The following FSHB variants were observed in gnomAD, a reference collection of about 807,000 sequenced individuals.
The protein encoded by FSHB is follicle stimulating hormone subunit beta, also known as follitropin subunit beta.
In FSHB, 8 loss-of-function variants were observed where a neutral mutation model predicts 12.1. That is an observed-to-expected ratio of 0.66 (90% CI 0.39 to 1.19). The LOEUF is 1.19. FSHB is among the 50% of genes most tolerant of loss of function. The pLI, the probability that FSHB is intolerant of heterozygous loss-of-function variation, is 0.01. For missense variants in FSHB, 153 were observed against 157.2 expected, an observed-to-expected ratio of 0.97 and a Z score of 0.14; for synonymous variants, 55 against 54.6, an observed-to-expected ratio of 1.01 and a Z score of -0.04.
At chr11:30,233,484 C>G in intron 2 of FSHB, 86 bp from the exon 3 acceptor site, 1 of 971,388 alleles carries the variant, frequency 1.0e-6, no homozygotes, top group Middle Eastern at 2.2e-4. Flanking sequence ...TTAGAGCAAG[C>G]AGTATTCAAT....
chr11:30,233,610 A>G lies in FSHB; in HGVS notation c.200A>G (p.Lys67Arg). ...YKDPARPKIQ[K>R]TCTFKELVYE... ...GACCCAGCCAGGCCCAAAATCCAGA[A>G]AACATGTACCTTCAAGGAACTGGTA... The change falls in exon 3 of 3, where the codon AAA becomes AGA. Residue 67 changes from lysine (K) to arginine (R), a missense_variant. Coordinates refer to ENST00000533718, the MANE Select transcript of FSHB (RefSeq NM_001382289.1). The G allele has an allele frequency of 6.2e-7, 1 of 1,614,034 alleles. No individual in the cohort carries two copies. Among genetic ancestry groups the G allele is most frequent in the Non-Finnish European group, 8.5e-7 (1 of 1,179,928 alleles).
At position 30,231,837 on chromosome 11, in the gene FSHB, A is replaced by AT. The variant is rs534166821; in HGVS notation, c.-37-28dup. The AT allele has an allele frequency of 1.1e-4, 168 of 1,580,812 alleles. No individual in the cohort carries two copies. In the South Asian group the frequency reaches 1.7e-3, roughly 16 times the overall value. Reference sequence around the variant, plus strand: ...ATTATTTTTGGTTTGGTCAGCTTACATAATGATTATCGTTCTTTGGTTTCT... The same window carrying AT: ...ATTATTTTTGGTTTGGTCAGCTTACATTAATGATTATCGTTCTTTGGTTTCT... On this transcript the variant is annotated intron_variant, in intron 1 of 2. Transcript: ENST00000533718.
chr11:30,233,902 C>A lies in FSHB; in HGVS notation c.*102C>A. On this transcript the variant is annotated 3_prime_UTR_variant, in exon 3 of 3. Transcript: ENST00000533718. ...GTGCCCAGGGGACAAACCACTGGAT[C>A]AGGGGATTCAGACTCTACTGATCCC... The A allele has an allele frequency of 1.1e-6, 1 of 924,076 alleles. No individual in the cohort carries two copies. Among genetic ancestry groups the A allele is most frequent in the Non-Finnish European group, 1.7e-6 (1 of 585,564 alleles). 57.2% of individuals were successfully genotyped at this position (924,076 alleles called of 1,614,324 possible). A position where few individuals can be genotyped will look rare whatever the true frequency, so the allele number is the denominator to read the frequency against.
chr11:30,233,897 T>C lies in FSHB; in HGVS notation c.*97T>C. The C allele has an allele frequency of 8.2e-6, 8 of 973,438 alleles. No individual in the cohort carries two copies. The highest frequency in any genetic ancestry group is 1.3e-5 in the Non-Finnish European group (8 of 628,096). 60.3% of individuals were successfully genotyped at this position (973,438 alleles called of 1,614,324 possible). A position where few individuals can be genotyped will look rare whatever the true frequency, so the allele number is the denominator to read the frequency against. ...GCAATGTGCCCAGGGGACAAACCAC[T>C]GGATCAGGGGATTCAGACTCTACTG... On this transcript the variant is annotated 3_prime_UTR_variant, in exon 3 of 3. Coordinates refer to ENST00000533718, the MANE Select transcript of FSHB (RefSeq NM_001382289.1).
rs540157925 is a variant in FSHB, at chr11:30,231,929, T to C, written c.27T>C (p.Leu9=). ...TGAAGACACTCCAGTTTTTCTTCCT[T>C]TTCTGTTGCTGGAAAGCAATCTGCT... MKTLQFFF[L]FCCWKAICCN... is the part of the protein sequence containing the mutation. Residue 9 remains leucine (L), a synonymous_variant, in exon 2 of 3, where the codon CTT becomes CTC. Coordinates refer to ENST00000533718, the MANE Select transcript of FSHB (RefSeq NM_001382289.1). 6.2e-7 allele frequency: 1 copy of C among 1,613,948 alleles called. No homozygotes were observed.
chr11:30,231,934 G>A lies in FSHB; in HGVS notation c.32G>A (p.Cys11Tyr). MKTLQFFFLF[C>Y]CWKAICCNSC... ...ACACTCCAGTTTTTCTTCCTTTTCT[G>A]TTGCTGGAAAGCAATCTGCTGCAAT... is the stretch of plus-strand genomic sequence containing the variant. Residue 11 changes from cysteine to tyrosine, a missense_variant, in exon 2 of 3, where the codon TGT becomes TAT. Coordinates refer to ENST00000533718, the MANE Select transcript of FSHB (RefSeq NM_001382289.1). The A allele has an allele frequency of 6.2e-7, 1 of 1,613,852 alleles. No individual in the cohort carries two copies. The highest frequency in any genetic ancestry group is 8.5e-7 in the Non-Finnish European group (1 of 1,179,848).
Position 30,233,750 on chromosome 11 carries a change from G to T in FSHB, c.340G>T (p.Val114Leu), listed in dbSNP as rs1432397142. The T allele has an allele frequency of 6.2e-7, 1 of 1,614,070 alleles. No homozygotes were observed. Among genetic ancestry groups the T allele is most frequent in the Non-Finnish European group, 8.5e-7 (1 of 1,179,952 alleles). The change falls in exon 3 of 3, where the codon GTG becomes TTG. Residue 114 changes from valine (V) to leucine (L), a missense_variant. Transcript: ENST00000533718. ...KCDSDSTDCT[V>L]RGLGPSYCSF... Reference sequence around the variant, plus strand: ...TGACAGCGACAGCACTGATTGTACTGTGCGAGGCCTGGGGCCCAGCTACTG... The same window carrying T: ...TGACAGCGACAGCACTGATTGTACTTTGCGAGGCCTGGGGCCCAGCTACTG...
rs917818592 is a variant in FSHB, at chr11:30,235,038, G to C, written c.*1238G>C. 2 of 152,106 alleles carry C rather than the reference G, an allele frequency of 1.3e-5. No homozygotes were observed. Among genetic ancestry groups the C allele is most frequent in the Non-Finnish European group, 2.9e-5 (2 of 68,028 alleles). 9.4% of individuals were successfully genotyped at this position (152,106 alleles called of 1,614,324 possible). A position where few individuals can be genotyped will look rare whatever the true frequency, so the allele number is the denominator to read the frequency against. Reference sequence around the variant, plus strand: ...TTTTTAATAAAGATGCTAGCCACCAGAGTCACAGGCTTGGATTGTTTTATG... The same window carrying C: ...TTTTTAATAAAGATGCTAGCCACCACAGTCACAGGCTTGGATTGTTTTATG... On this transcript the variant is annotated 3_prime_UTR_variant, in exon 3 of 3. Transcript: ENST00000533718.
At position 30,234,529 on chromosome 11, in the gene FSHB, A is replaced by T. The variant is rs193044329; in HGVS notation, c.*729A>T. On this transcript the variant is annotated 3_prime_UTR_variant, in exon 3 of 3. Coordinates refer to ENST00000533718, the MANE Select transcript of FSHB (RefSeq NM_001382289.1). ...CCTGTTAGTTAAGGGCAAAGGCAAG[A>T]AATTGTAATTTGGGGCTGTGGAAAT... 6 of 152,486 alleles carry T rather than the reference A, an allele frequency of 3.9e-5. No individual in the cohort carries two copies. The highest frequency in any genetic ancestry group is 3.9e-4 in the Admixed American group (6 of 15,310). 9.4% of individuals were successfully genotyped at this position (152,486 alleles called of 1,614,324 possible).
At chr11:30,233,469 A>G in intron 2 of FSHB, 101 bp from the exon 3 acceptor site, 1 of 880,584 alleles carries the variant, frequency 1.1e-6, no homozygotes, top group South Asian at 1.4e-5. Context: ...TTTAATGGGT[A>G]AATGTTAGAG....
Position 30,233,677 on chromosome 11 carries a change from T to A in FSHB, c.267T>A (p.Asp89Glu). 3 of 1,614,014 alleles carry A rather than the reference T, an allele frequency of 1.9e-6. 1 individual carries two copies. In the South Asian group the frequency reaches 3.3e-5, roughly 18 times the overall value. ...TGCCCGGCTGTGCTCACCATGCAGA[T>A]TCCTTGTATACATACCCAGTGGCCA... ...VRVPGCAHHA[D>E]SLYTYPVATQ... Residue 89 changes from aspartate to glutamate, a missense_variant, in exon 3 of 3, where the codon GAT becomes GAA. Asp to Glu is a conservative substitution (Grantham distance 45). Coordinates refer to ENST00000533718, the MANE Select transcript of FSHB (RefSeq NM_001382289.1).
rs1285838746 is a variant in FSHB at position 30,233,555 on chromosome 11, T to TC, written c.160-14dup. ...CCACAATACCATAACCTAACTCTCTTCTTAAACTCCTCAGGATCTGGTGTA... is the reference window on the plus strand; with the variant it reads ...CCACAATACCATAACCTAACTCTCTTCCTTAAACTCCTCAGGATCTGGTGTA... On this transcript the variant is annotated splice_polypyrimidine_tract_variant and intron_variant, in intron 2 of 2. Transcript: ENST00000533718. 1 of 1,601,094 alleles carries TC rather than the reference T, an allele frequency of 6.2e-7. No homozygotes were observed. Among genetic ancestry groups the TC allele is most frequent in the East Asian group, 2.2e-5 (1 of 44,756 alleles).
chr11:30,232,090 G>T, intron 2 of FSHB, 29 bp downstream of exon 2: 1 of 1,611,364 alleles, frequency 6.2e-7, no homozygotes, highest in Non-Finnish European at 8.5e-7. Flanking sequence ...TGGAAGCAAG[G>T]GTGTTGAAGG....
chr11:30,233,630 C>A lies in FSHB; in HGVS notation c.220C>A (p.Leu74Met). The A allele has an allele frequency of 1.2e-6, 2 of 1,614,020 alleles. No individual in the cohort carries two copies. Among genetic ancestry groups the A allele is most frequent in the East Asian group, 2.2e-5 (1 of 44,842 alleles). Reference sequence around the variant, plus strand: ...CCAGAAAACATGTACCTTCAAGGAACTGGTATACGAAACAGTGAGAGTGCC... The same window carrying A: ...CCAGAAAACATGTACCTTCAAGGAAATGGTATACGAAACAGTGAGAGTGCC... ...KIQKTCTFKE[L>M]VYETVRVPGC... The change falls in exon 3 of 3, where the codon CTG (leucine) becomes ATG (methionine). Residue 74 changes from leucine to methionine, a missense_variant. By Grantham distance (15) the Leu-to-Met change is conservative (BLOSUM62 2). Coordinates refer to ENST00000533718, the MANE Select transcript of FSHB (RefSeq NM_001382289.1).
Position 30,233,910 on chromosome 11 carries a change from T to C in FSHB, c.*110T>C. ...GGGACAAACCACTGGATCAGGGGAT[T>C]CAGACTCTACTGATCCCTGGTCTAC... On this transcript the variant is annotated 3_prime_UTR_variant, in exon 3 of 3. Transcript: ENST00000533718. 1.1e-6 allele frequency: 1 copy of C among 878,652 alleles called. No homozygotes were observed. The highest frequency in any genetic ancestry group is 2.6e-5 in the East Asian group (1 of 38,004). 54.4% of individuals were successfully genotyped at this position (878,652 alleles called of 1,614,324 possible). A position where few individuals can be genotyped will look rare whatever the true frequency, so the allele number is the denominator to read the frequency against.
intron 1 of FSHB, among the ~76,000 whole-genome samples, chr11:30,231,651 A>G (rs1185374487): frequency 6.6e-6 from 1 of 152,178 alleles, no homozygotes; most frequent in Non-Finnish European, 1.5e-5. Flanking sequence ...TTAAATCATT[A>G]TATTGGAGTT....
In FSHB at chr11:30,232,080, T is replaced by G. The variant is rs1237679574; in HGVS notation, c.159+19T>G. Reference sequence around the variant, plus strand: ...CACCAGGGTAGGTACCATGTTTTGCTGGAAGCAAGGGTGTTGAAGGTCTGT... The same window carrying G: ...CACCAGGGTAGGTACCATGTTTTGCGGGAAGCAAGGGTGTTGAAGGTCTGT... On this transcript the variant is annotated intron_variant, in intron 2 of 2. Transcript: ENST00000533718. 6.2e-7 allele frequency: 1 copy of G among 1,613,450 alleles called. No homozygotes were observed. Among genetic ancestry groups the G allele is most frequent in the Admixed American group, 1.7e-5 (1 of 60,002 alleles).
intron 2 of FSHB, among the ~76,000 whole-genome samples, chr11:30,233,184 T>C (rs1439665661): frequency 1.3e-5 from 2 of 152,190 alleles, no homozygotes; most frequent in African/African-American, 4.8e-5. Context: ...CAGGGCAGTG[T>C]ATTTTAAAAT....
At position 30,233,847 on chromosome 11, in the gene FSHB, AG is replaced by A. The variant is rs1564985392; in HGVS notation, c.*48del. The A allele has an allele frequency of 6.6e-7, 1 of 1,516,096 alleles. No homozygotes were observed. The highest frequency in any genetic ancestry group is 1.1e-5 in the South Asian group (1 of 87,510). 93.9% of individuals were successfully genotyped at this position (1,516,096 alleles called of 1,614,324 possible). On this transcript the variant is annotated 3_prime_UTR_variant, in exon 3 of 3. Transcript: ENST00000533718. ...CACATACCCTTGTCCTGAAGGACCAAGATATTCAAAAAGTCTGTGTGTGTGC... is the reference window on the plus strand; with the variant it reads ...CACATACCCTTGTCCTGAAGGACCAAATATTCAAAAAGTCTGTGTGTGTGC...
Sources: allele counts gnomAD v4.1 joint callset (sites outside exome capture counted in the v4.1 genomes callset), GRCh38; gene constraint gnomAD v4.1.1; transcripts MANE v1.5; gene names NCBI Gene and HGNC (gene_info 2026-07-23, HGNC 2026-07-21).